Variants in GOT2 observed in about 807,000 individuals in gnomAD.
GOT2 encodes the protein aspartate aminotransferase, mitochondrial.
Under a neutral mutation model 50.0 loss-of-function variants are expected in GOT2, and 17 were observed. The ratio of observed to expected loss-of-function variants is 0.34; its 90% confidence interval spans 0.23 to 0.51. The LOEUF is 0.51. Among genes scored for constraint, GOT2 ranks in the 20% least tolerant of loss-of-function variants. The pLI, the probability that GOT2 is intolerant of heterozygous loss-of-function variation, is 0.97. For missense variants in GOT2, 430 were observed against 559.6 expected (o/e 0.77, Z 2.34); for synonymous variants, 172 against 204.9 (o/e 0.84, Z 1.37).
At chr16:58,710,784 G>A (rs2044640809) in intron 8 of GOT2, among the ~76,000 whole-genome samples, 1 of 59,680 alleles carries the variant, frequency 1.7e-5, no homozygotes, top group South Asian at 5.8e-4. Flanking sequence ...TGGCTAACAC[G>A]GTGAAACCCC....
At chr16:58,728,829 C>T (rs1238751397) in intron 1 of GOT2, among the ~76,000 whole-genome samples, 2 of 151,984 alleles carry the variant, frequency 1.3e-5, no homozygotes, top group African/African-American at 2.4e-5. Flanking sequence ...TATAGGCACC[C>T]GCCACCACGC....
At chr16:58,708,796 C>G (rs1319488587) in intron 9 of GOT2, among the ~76,000 whole-genome samples, 3 of 151,648 alleles carry the variant, frequency 2.0e-5, no homozygotes, top group African/African-American at 7.3e-5. Flanking sequence ...TCAAAACAAG[C>G]TCTGCTCTTT....
chr16:58,712,960 G>A (rs1487878351), intron 8 of GOT2, among the ~76,000 whole-genome samples: 5 of 152,152 alleles, frequency 3.3e-5, no homozygotes, highest in African/African-American at 4.8e-5. Context: ...TTAGCTGGGC[G>A]TGGTAGCACA....
chr16:58,727,448 T>C (rs114060253), intron 1 of GOT2, among the ~76,000 whole-genome samples: 131 of 152,216 alleles, frequency 8.6e-4, no homozygotes, highest in African/African-American at 3.0e-3. Flanking sequence ...AACACTTTTC[T>C]AGGCTTTATG....
intron 2 of GOT2, among the ~76,000 whole-genome samples, chr16:58,723,123 G>A (rs2044754149): frequency 6.6e-6 from 1 of 152,182 alleles, no homozygotes; most frequent in South Asian, 2.1e-4. Context: ...TCACAGTGTT[G>A]AGGTGAAGTG....
intron 9 of GOT2, 123 bp downstream of exon 9, chr16:58,709,288 CAAAACA>C (rs2044627048): frequency 6.1e-6 from 5 of 815,592 alleles, no homozygotes; most frequent in Non-Finnish European, 7.3e-6. Flanking sequence ...AAAAACAAAA[CAAAACA>C]AAACAAAACA....
rs1486890401 is a variant in GOT2 at position 58,718,222 on chromosome 16, A to G, written c.676T>C (p.Trp226Arg). The G allele has an allele frequency of 1.2e-6, 2 of 1,613,336 alleles. No individual in the cohort carries two copies. The highest frequency in any genetic ancestry group is 1.7e-6 in the Non-Finnish European group (2 of 1,179,506). ...PTGVDPRPEQ[W>R]KEIATVVKKR... is the part of the protein sequence containing the mutation. ...TTCACCACTGTTGCTATTTCCTTCCACTGTTCCGGACGCGGGTCCACTCCC... is the reference window on the plus strand; with the variant it reads ...TTCACCACTGTTGCTATTTCCTTCCGCTGTTCCGGACGCGGGTCCACTCCC... The change falls in exon 6 of 10, where the codon TGG becomes CGG. Residue 226 changes from tryptophan to arginine, a missense_variant. Physicochemically the swap from Trp to Arg is moderately radical, Grantham distance 101. Transcript: ENST00000245206.
chr16:58,734,300 C>T lies in GOT2; in HGVS notation c.-72G>A, dbSNP rs998112140. On this transcript the variant is annotated 5_prime_UTR_variant, in exon 1 of 10. Coordinates refer to ENST00000245206, the MANE Select transcript of GOT2 (RefSeq NM_002080.4). ...GCGAGCGGACACACACACAGGGAAC[C>T]GGCTCCTGCTGAAGGTAAGGACAGG... 6 of 820,090 alleles carry T rather than the reference C, an allele frequency of 7.3e-6. No homozygotes were observed. The highest frequency in any genetic ancestry group is 3.3e-5 in the East Asian group (1 of 30,490). The allele number at this position is 820,090 out of a possible 1,614,324, so 50.8% of individuals were successfully genotyped here. A position where few individuals can be genotyped will look rare whatever the true frequency, so the allele number is the denominator to read the frequency against.
intron 7 of GOT2, 78 bp downstream of exon 7, chr16:58,716,585 C>CAT (rs2044695591): frequency 2.4e-6 from 3 of 1,248,978 alleles, no homozygotes; most frequent in South Asian, 2.7e-5. Context: ...CACACACACA[C>CAT]ACACCCACAA....
intron 6 of GOT2, among the ~76,000 whole-genome samples, chr16:58,717,212 A>C (rs2044701467): frequency 6.6e-6 from 1 of 152,076 alleles, no homozygotes; most frequent in African/African-American, 2.4e-5. Context: ...TGTCTCTGTG[A>C]AAAATAGGAA....
chr16:58,718,453 A>C, intron 5 of GOT2, 74 bp downstream of exon 5: 1 of 1,431,050 alleles, frequency 7.0e-7, no homozygotes, highest in Non-Finnish European at 9.6e-7. Context: ...AGATATTGGG[A>C]CATGGTGGGA....
rs564634316 is a variant in GOT2, at chr16:58,725,361, C to T, written c.90-1459G>A. On this transcript the variant is annotated intron_variant, in intron 1 of 9. Coordinates refer to ENST00000245206, the MANE Select transcript of GOT2 (RefSeq NM_002080.4). The stretch of plus-strand genomic sequence containing the variant: ...AACTCCTGACCTCATGTGATTTGCC[C>T]GCCTCAGCTTCCCAAAGTGCTGGGA... 8.5e-5 allele frequency among the ~76,000 whole-genome samples: 13 copies of T among 152,174 alleles called. No individual in the cohort carries two copies. In the East Asian group the frequency reaches 1.2e-3, roughly 14 times the overall value.
chr16:58,718,102 G>A (rs939144311), intron 6 of GOT2, 94 bp downstream of exon 6: 18 of 885,052 alleles, frequency 2.0e-5, no homozygotes, highest in Admixed American at 1.4e-4. Context: ...ACGCAGGTTC[G>A]AGGTTAAGAC....
intron 8 of GOT2, among the ~76,000 whole-genome samples, chr16:58,714,204 C>T (rs2044671632): frequency 6.6e-6 from 1 of 152,070 alleles, no homozygotes; most frequent in African/African-American, 2.4e-5. Context: ...GCCACCTTAC[C>T]TGGCTTAGTA....
chr16:58,728,887 A>G (rs963559404), intron 1 of GOT2, among the ~76,000 whole-genome samples: 2 of 152,026 alleles, frequency 1.3e-5, no homozygotes, highest in African/African-American at 2.4e-5. Context: ...GGGTTTTGCC[A>G]TGTTGGCCAG....
At chr16:58,712,458 C>T (rs1456054864) in intron 8 of GOT2, among the ~76,000 whole-genome samples, 1 of 152,184 alleles carries the variant, frequency 6.6e-6, no homozygotes, top group African/African-American at 2.4e-5. Context: ...TTGCAGTGAG[C>T]TGAGATTGTG....
intron 4 of GOT2, among the ~76,000 whole-genome samples, chr16:58,718,944 G>T (rs2044718298): frequency 6.6e-6 from 1 of 152,134 alleles, no homozygotes; most frequent in South Asian, 2.1e-4. Flanking sequence ...CTCTCATAGG[G>T]ATTAAACAAG....
intron 1 of GOT2, among the ~76,000 whole-genome samples, chr16:58,730,598 C>G (rs569178628): frequency 7.9e-5 from 12 of 152,260 alleles, no homozygotes; most frequent in African/African-American, 2.6e-4. Context: ...CTCTTGAGCT[C>G]AAGTGATCCT....
rs760609983 is a variant in GOT2 at position 58,734,165 on chromosome 16, C to T, written c.64G>A (p.Ala22Thr). 3 of 1,332,350 alleles carry T rather than the reference C, an allele frequency of 2.3e-6. No individual in the cohort carries two copies. Among genetic ancestry groups the T allele is most frequent in the South Asian group, 2.5e-5 (1 of 39,820 alleles). 82.5% of individuals were successfully genotyped at this position (1,332,350 alleles called of 1,614,324 possible). The part of the protein sequence containing the change: ...GIAAAFHPGL[A>T]AAASARASSW... The stretch of plus-strand genomic sequence containing the variant: ...CTGGCTCTGGCAGAGGCCGCGGCGG[C>T]GAGGCCCGGGTGGAAGGCGGCGGCG... The change falls in exon 1 of 10, where the codon GCC (alanine) becomes ACC (threonine). Residue 22 changes from alanine (A) to threonine (T), a missense_variant. By Grantham distance (58) the Ala-to-Thr change is moderately conservative. Transcript: ENST00000245206.
Sources: gnomAD v4.1 joint callset for allele counts (sites outside exome capture counted in the v4.1 genomes callset) on GRCh38, gnomAD v4.1.1 for gene constraint, MANE v1.5 for transcripts, NCBI Gene and HGNC (gene_info 2026-07-23, HGNC 2026-07-21) for gene names.